The following ILRUN variants were observed in gnomAD, a reference collection of about 807,000 sequenced individuals.
The protein encoded by ILRUN is inflammation and lipid regulator with UBA-like and NBR1-like domains.
ILRUN carries 3 observed loss-of-function variants against 33.8 expected under a neutral mutation model. That is an observed-to-expected ratio of 0.09 (90% confidence interval 0.04 to 0.23). The LOEUF (loss-of-function observed/expected upper bound fraction) is 0.23. Among genes scored for constraint, ILRUN ranks in the 10% least tolerant of loss-of-function variants. ILRUN has a pLI of 1.00. For synonymous variants in ILRUN, 124 were observed against 138.9 expected, an observed-to-expected ratio of 0.89 and a Z score of 0.75; for missense variants, 210 against 375.1, an observed-to-expected ratio of 0.56 and a Z score of 3.64.
intron 1 of ILRUN, among the ~76,000 whole-genome samples, chr6:34,692,761 T>TA (rs1167538523): frequency 1.3e-5 from 2 of 152,112 alleles, no homozygotes; most frequent in East Asian, 1.9e-4. Flanking sequence ...GACCCATCTC[T>TA]AAAAAAATGT....
chr6:34,626,295 C>A (rs902493704), intron 3 of ILRUN, among the ~76,000 whole-genome samples: 1 of 152,198 alleles, frequency 6.6e-6, no homozygotes, highest in Non-Finnish European at 1.5e-5. Flanking sequence ...CATTTGCCCG[C>A]AAAGTAGCTA....
At chr6:34,679,729 A>ATTTGTTTTGTTT (rs1763317601) in intron 1 of ILRUN, among the ~76,000 whole-genome samples, 1 of 152,216 alleles carries the variant, frequency 6.6e-6, no homozygotes, top group African/African-American at 2.4e-5. Context: ...TTGCAGATGT[A>ATTTGTTTTGTTT]ATCAGTTAAG....
At chr6:34,596,709 A>C (rs929766999) in intron 4 of ILRUN, among the ~76,000 whole-genome samples, 9 of 152,166 alleles carry the variant, frequency 5.9e-5, no homozygotes, top group Non-Finnish European at 1.2e-4. Flanking sequence ...AAAGAATAGG[A>C]AAAAACCCTA....
intron 3 of ILRUN, among the ~76,000 whole-genome samples, chr6:34,635,083 ATTCACT>A (rs1762330494): frequency 1.3e-5 from 2 of 152,224 alleles, no homozygotes; most frequent in South Asian, 4.1e-4. Flanking sequence ...CAGAAATAAA[ATTCACT>A]TTCACAATCA....
At chr6:34,627,311 G>C (rs551257558) in intron 3 of ILRUN, among the ~76,000 whole-genome samples, 5 of 152,260 alleles carry the variant, frequency 3.3e-5, no homozygotes, top group Non-Finnish European at 5.9e-5. Flanking sequence ...CCAACTAAAG[G>C]TCTTCTTCAC....
chr6:34,645,696 T>C (rs1041744072), intron 3 of ILRUN, among the ~76,000 whole-genome samples: 2 of 152,156 alleles, frequency 1.3e-5, no homozygotes, highest in African/African-American at 4.8e-5. Flanking sequence ...CTGGGAGATG[T>C]TAAAAGTTCT....
At chr6:34,623,568 G>A (rs1052975682) in intron 3 of ILRUN, among the ~76,000 whole-genome samples, 1 of 151,922 alleles carries the variant, frequency 6.6e-6, no homozygotes, top group Non-Finnish European at 1.5e-5. Context: ...ACAAAAAAAC[G>A]TAATATAGCA....
intron 1 of ILRUN, chr6:34,685,655 T>C (rs934815194): frequency 6.6e-6 from 1 of 152,200 alleles, no homozygotes; most frequent in Non-Finnish European, 1.5e-5. Flanking sequence ...ATTGACCTTT[T>C]AAACACATCT....
rs148122263 is a variant in ILRUN at position 34,669,344 on chromosome 6, G to A, written c.159-14565C>T. On this transcript the variant is annotated intron_variant, in intron 1 of 4. Coordinates refer to ENST00000374023, the MANE Select transcript of ILRUN (RefSeq NM_024294.4). ...GGGTCTCACTTTATTGCCCAGGCTG[G>A]TCTCAAACTCCTGGACTCAAGTGAT... Among the ~76,000 whole-genome samples, 526 of 149,528 alleles carry A rather than the reference G, an allele frequency of 3.5e-3. 2 individuals carry two copies. The highest frequency in any genetic ancestry group is 5.6e-3 in the Non-Finnish European group (381 of 67,614).
chr6:34,656,776 C>T (rs1329522529), intron 1 of ILRUN, among the ~76,000 whole-genome samples: 1 of 152,224 alleles, frequency 6.6e-6, no homozygotes, highest in Non-Finnish European at 1.5e-5. Context: ...AGAGCAGGTA[C>T]CTGAGGTCAA....
At chr6:34,678,170 G>A (rs1359636657) in intron 1 of ILRUN, among the ~76,000 whole-genome samples, 9 of 152,070 alleles carry the variant, frequency 5.9e-5, no homozygotes, top group African/African-American at 2.2e-4. Context: ...CTCCCGAGTA[G>A]CTGGGATTAC....
At chr6:34,693,070 C>G (rs1343075484) in intron 1 of ILRUN, among the ~76,000 whole-genome samples, 1 of 151,336 alleles carries the variant, frequency 6.6e-6, no homozygotes, top group East Asian at 1.9e-4. Flanking sequence ...AGAATGAGAC[C>G]CTGTCTCAAA....
intron 3 of ILRUN, among the ~76,000 whole-genome samples, chr6:34,628,781 G>A (rs763602346): frequency 1.3e-5 from 2 of 151,820 alleles, no homozygotes; most frequent in Non-Finnish European, 2.9e-5. Context: ...AAGGAGTTAG[G>A]AAGTATTCCA....
intron 2 of ILRUN, among the ~76,000 whole-genome samples, chr6:34,647,440 A>G (rs377418785): frequency 1.8e-4 from 28 of 152,254 alleles, no homozygotes; most frequent in African/African-American, 6.7e-4. Flanking sequence ...CTCCCCTGAT[A>G]ACATCAATGA....
intron 3 of ILRUN, among the ~76,000 whole-genome samples, chr6:34,622,017 A>C (rs767126153): frequency 6.6e-6 from 1 of 152,206 alleles, no homozygotes; most frequent in Non-Finnish European, 1.5e-5. Flanking sequence ...CTTCTCAAAA[A>C]ACGATGCTGA....
intron 3 of ILRUN, among the ~76,000 whole-genome samples, chr6:34,615,651 A>G (rs1333408651): frequency 1.3e-5 from 2 of 152,286 alleles, no homozygotes; most frequent in Non-Finnish European, 2.9e-5. Context: ...CTTTCTATGG[A>G]GAGAATTGAC....
chr6:34,662,124 CAAAAAAAAAAAAA>C lies in ILRUN; in HGVS notation c.159-7358_159-7346del, dbSNP rs57423564. ...TGGGCGACAGAGCGAGACTCCGTCT[CAAAAAAAAAAAAA>C]AAAAAAAAAAAAAAAAAAATTAGCT... On this transcript the variant is annotated intron_variant, in intron 1 of 4. Transcript: ENST00000374023. Among the ~76,000 whole-genome samples the C allele has an allele frequency of 5.5e-4, 22 of 39,988 alleles. No homozygotes were observed. In the East Asian group the frequency reaches 6.8e-3, roughly 12 times the overall value. The allele number at this position is 39,988 out of a possible 152,430, so 26.2% of individuals were successfully genotyped here.
intron 1 of ILRUN, among the ~76,000 whole-genome samples, chr6:34,675,049 G>C (rs1210904032): frequency 6.6e-6 from 1 of 152,216 alleles, no homozygotes; most frequent in Non-Finnish European, 1.5e-5. Context: ...CGGAGGCCCA[G>C]GTGGGCTAAT....
At chr6:34,624,425 G>A (rs892827423) in intron 3 of ILRUN, among the ~76,000 whole-genome samples, 2 of 152,070 alleles carry the variant, frequency 1.3e-5, no homozygotes, top group African/African-American at 4.8e-5. Flanking sequence ...CCGGGTTCAA[G>A]CAATTCTCCT....
Sources: gnomAD v4.1 joint callset for allele counts (sites outside exome capture counted in the v4.1 genomes callset) on GRCh38, gnomAD v4.1.1 for gene constraint, MANE v1.5 for transcripts, NCBI Gene and HGNC (gene_info 2026-07-23, HGNC 2026-07-21) for gene names.